MCMDC2: variants seen among roughly 807,000 people sequenced by gnomAD.
MCMDC2 encodes minichromosome maintenance domain-containing protein 2.
MCMDC2 carries 54 observed loss-of-function variants against 75.8 expected under a neutral mutation model. The ratio of observed to expected loss-of-function variants is 0.71; its 90% CI spans 0.57 to 0.89. MCMDC2 has a LOEUF of 0.89. Ranked by LOEUF, MCMDC2 falls within the 40% of genes least tolerant of loss-of-function variation. The pLI, the probability that MCMDC2 is intolerant of heterozygous loss-of-function variation, is 0.00. For synonymous variants in MCMDC2, 249 were observed against 274.6 expected (o/e 0.91, Z 0.92); for missense variants, 656 against 780.4 (o/e 0.84, Z 1.90).
chr8:66,870,977 C>G (rs1030251982), intron 1 of MCMDC2, 146 bp downstream of exon 1: 2 of 152,350 alleles, frequency 1.3e-5, no homozygotes, highest in African/African-American at 4.8e-5. Flanking sequence ...CAGTTCATCC[C>G]CGGTGCTGAC....
rs1182017906 is a variant in MCMDC2 at position 66,896,322 on chromosome 8, C to CT, written c.1433dup (p.Ile479AsnfsTer12). The CT allele has an allele frequency of 1.2e-6, 2 of 1,606,528 alleles. No homozygotes were observed. Among genetic ancestry groups the CT allele is most frequent in the Non-Finnish European group, 1.7e-6 (2 of 1,178,466 alleles). ...GAGAAATGCACAGAAAATCAACACT[C>CT]TAATTGGTCAGATGGTAAGGTATAT... On this transcript the variant is annotated frameshift_variant, in exon 11 of 15. Transcript: ENST00000422365. LOFTEE classifies it high-confidence loss of function.
At chr8:66,882,761 A>G (rs1178629220) in intron 8 of MCMDC2, among the ~76,000 whole-genome samples, 1 of 152,240 alleles carries the variant, frequency 6.6e-6, no homozygotes, top group African/African-American at 2.4e-5. Flanking sequence ...AAATACTTCT[A>G]CTTACTTGAA....
chr8:66,887,262 G>A (rs565083760), intron 9 of MCMDC2, among the ~76,000 whole-genome samples: 22 of 152,036 alleles, frequency 1.4e-4, no homozygotes, highest in Admixed American at 2.6e-4. Flanking sequence ...TTGTCTGGCT[G>A]GGCGCGGTGG....
chr8:66,919,024 C>A lies in MCMDC2; in HGVS notation c.1901C>A (p.Ala634Asp). 6.5e-7 allele frequency: 1 copy of A among 1,534,646 alleles called. No individual in the cohort carries two copies. The highest frequency in any genetic ancestry group is 2.1e-5 in the Admixed American group (1 of 48,158). The change falls in exon 15 of 15, where the codon GCT (alanine) becomes GAT (aspartate). Residue 634 changes from alanine to aspartate, a missense_variant. Physicochemically the swap from Ala to Asp is moderately radical, Grantham distance 126. Transcript: ENST00000422365. ...LKYGATVFCV[A>D]PNAVFPFELY... ...TTAGGGGCCACTGTATTTTGTGTTGCTCCGAATGCAGTATTTCCATTTGAA... is the reference window on the plus strand; with the variant it reads ...TTAGGGGCCACTGTATTTTGTGTTGATCCGAATGCAGTATTTCCATTTGAA...
At position 66,870,813 on chromosome 8, in the gene MCMDC2, A is replaced by G. The variant is rs908967863; in HGVS notation, c.-107A>G. 2 of 151,970 alleles carry G rather than the reference A, an allele frequency of 1.3e-5. No individual in the cohort carries two copies. Among genetic ancestry groups the G allele is most frequent in the East Asian group, 2.0e-4 (1 of 5,126 alleles). The allele number at this position is 151,970 out of a possible 1,614,324, so 9.4% of individuals were successfully genotyped here. On this transcript the variant is annotated 5_prime_UTR_variant, in exon 1 of 15. Coordinates refer to ENST00000422365, the MANE Select transcript of MCMDC2 (RefSeq NM_173518.5). ...ACGCTGCAGGCGGAGAGCAACCGCC[A>G]AGCTTGGTGGGAGTCAAGGTGAGTG... is the stretch of plus-strand genomic sequence containing the variant.
chr8:66,901,049 AAGTGTTC>A (rs1812633432), intron 12 of MCMDC2, among the ~76,000 whole-genome samples, 150 bp from the exon 13 acceptor site: 1 of 152,236 alleles, frequency 6.6e-6, no homozygotes, highest in African/African-American at 2.4e-5. Context: ...CTGTGATTTA[AAGTGTTC>A]AGTGACTTCA....
chr8:66,888,113 G>A (rs1811929070), intron 9 of MCMDC2, among the ~76,000 whole-genome samples: 1 of 152,078 alleles, frequency 6.6e-6, no homozygotes, highest in Non-Finnish European at 1.5e-5. Flanking sequence ...CAGGGTCACG[G>A]TCTGTTGCCC....
intron 1 of MCMDC2, among the ~76,000 whole-genome samples, chr8:66,871,811 G>A (rs1811031826): frequency 6.6e-6 from 1 of 151,478 alleles, no homozygotes; most frequent in Admixed American, 6.6e-5. Context: ...GAGAAGGGAG[G>A]ATAGCTTGAG....
chr8:66,893,996 A>G (rs1812230570), intron 10 of MCMDC2, among the ~76,000 whole-genome samples: 1 of 152,186 alleles, frequency 6.6e-6, no homozygotes, highest in East Asian at 1.9e-4. Flanking sequence ...AGGAAGTCCA[A>G]CGAGATAATG....
chr8:66,876,981 C>T lies in MCMDC2; in HGVS notation c.286-368C>T, dbSNP rs184577059. On this transcript the variant is annotated intron_variant, in intron 4 of 14. Coordinates refer to ENST00000422365, the MANE Select transcript of MCMDC2 (RefSeq NM_173518.5). ...TTCACCATGTTAGCCAGGATGGTCT[C>T]GATCTCCTGACCTCGTGATCTGCCC... is the stretch of plus-strand genomic sequence containing the variant. Among the ~76,000 whole-genome samples, 1,478 of 152,134 alleles carry T rather than the reference C, an allele frequency of 9.7e-3. 27 individuals carry two copies. The highest frequency in any genetic ancestry group is 0.034 in the African/African-American group (1,404 of 41,492).
rs1407163483 is a variant in MCMDC2 at position 66,894,672 on chromosome 8, TTA to T, written c.1280-1496_1280-1495del. Among the ~76,000 whole-genome samples the T allele has an allele frequency of 7.9e-5, 12 of 152,200 alleles. No individual in the cohort carries two copies. In the South Asian group the frequency reaches 1.7e-3, roughly 21 times the overall value. On this transcript the variant is annotated intron_variant, in intron 10 of 14. Coordinates refer to ENST00000422365, the MANE Select transcript of MCMDC2 (RefSeq NM_173518.5). The stretch of plus-strand genomic sequence containing the variant: ...ACAATATAAAGATAAAAGGTAAAAT[TTA>T]TGTCAATATAAAATTTTAATTTTTC...
chr8:66,873,559 C>T (rs116265319), intron 1 of MCMDC2, among the ~76,000 whole-genome samples: 5,365 of 152,002 alleles, frequency 0.035, 99 homozygotes, highest in Admixed American at 0.049. Context: ...TTTAAGTTTT[C>T]GATCTTGTGG....
chr8:66,901,175 T>G, intron 12 of MCMDC2, 31 bp from the exon 13 acceptor site: 1 of 1,520,502 alleles, frequency 6.6e-7, no homozygotes. Flanking sequence ...ATAATAAAGC[T>G]TGATTATCTT....
chr8:66,885,136 A>G (rs1811775394), intron 9 of MCMDC2, among the ~76,000 whole-genome samples: 1 of 151,970 alleles, frequency 6.6e-6, no homozygotes, highest in South Asian at 2.1e-4. Context: ...GATCGAGACC[A>G]TCCTGGCTAA....
Position 66,919,257 on chromosome 8 carries a change from A to T in MCMDC2, c.*88A>T. On this transcript the variant is annotated 3_prime_UTR_variant, in exon 15 of 15. Coordinates refer to ENST00000422365, the MANE Select transcript of MCMDC2 (RefSeq NM_173518.5). ...AGAGTGACTTTGAAGTAATGCTTTG[A>T]TAATACTCTGTACAGGAATATATTA... is the stretch of plus-strand genomic sequence containing the variant. 2 of 1,040,594 alleles carry T rather than the reference A, an allele frequency of 1.9e-6. No homozygotes were observed. The highest frequency in any genetic ancestry group is 2.8e-6 in the Non-Finnish European group (2 of 721,774). 64.5% of individuals were successfully genotyped at this position (1,040,594 alleles called of 1,614,324 possible). A position where few individuals can be genotyped will look rare whatever the true frequency, so the allele number is the denominator to read the frequency against.
chr8:66,892,172 G>A (rs1364994474), intron 10 of MCMDC2, among the ~76,000 whole-genome samples: 1 of 152,198 alleles, frequency 6.6e-6, no homozygotes, highest in Non-Finnish European at 1.5e-5. Context: ...GCTGGCAGAA[G>A]GCAAGAGGAT....
At chr8:66,916,213 G>T (rs1034504600) in intron 14 of MCMDC2, among the ~76,000 whole-genome samples, 1 of 151,956 alleles carries the variant, frequency 6.6e-6, no homozygotes, top group Non-Finnish European at 1.5e-5. Context: ...TAACACTATA[G>T]AAAGACAGGA....
chr8:66,919,003 G>A lies in MCMDC2; in HGVS notation c.1880G>A (p.Gly627Glu), dbSNP rs745725106. The change falls in exon 15 of 15, where the codon GGG becomes GAG. Residue 627 changes from glycine to glutamate, a missense_variant and splice_region_variant. Transcript: ENST00000422365. The part of the protein sequence containing the change: ...LFETSLTLKY[G>E]ATVFCVAPNA... ...ACACTCTATTATCTTCTTCATTTAGGGGCCACTGTATTTTGTGTTGCTCCG... is the reference window on the plus strand; with the variant it reads ...ACACTCTATTATCTTCTTCATTTAGAGGCCACTGTATTTTGTGTTGCTCCG... 8 of 1,499,892 alleles carry A rather than the reference G, an allele frequency of 5.3e-6. No individual in the cohort carries two copies. Among genetic ancestry groups the A allele is most frequent in the Non-Finnish European group, 7.1e-6 (8 of 1,121,548 alleles). 92.9% of individuals were successfully genotyped at this position (1,499,892 alleles called of 1,614,324 possible).
chr8:66,901,155 T>C lies in MCMDC2; in HGVS notation c.1627-51T>C, dbSNP rs371532201. ...GCCAGTATACTTTTGATTTCTGTTATATTGATTCCATAATAAAGCTTGATT... is the reference window on the plus strand; with the variant it reads ...GCCAGTATACTTTTGATTTCTGTTACATTGATTCCATAATAAAGCTTGATT... On this transcript the variant is annotated intron_variant, in intron 12 of 14. Transcript: ENST00000422365. 3.1e-5 allele frequency: 42 copies of C among 1,367,014 alleles called. No homozygotes were observed. The African/African-American group carries it at 5.7e-4, about 19-fold the overall frequency. The allele number at this position is 1,367,014 out of a possible 1,614,324, so 84.7% of individuals were successfully genotyped here.
Sources: gnomAD v4.1 joint callset for allele counts (sites outside exome capture counted in the v4.1 genomes callset) on GRCh38, gnomAD v4.1.1 for gene constraint, MANE v1.5 for transcripts, NCBI Gene and HGNC (gene_info 2026-07-23, HGNC 2026-07-21) for gene names.